The following PHF7 variants were observed in gnomAD, a reference collection of about 807,000 sequenced individuals.
The protein encoded by PHF7 is PHD finger protein 7, also known as E3 ubiquitin-protein ligase PHF7.
In PHF7, 24 loss-of-function variants were observed where a neutral mutation model predicts 47.5. That is an observed-to-expected ratio of 0.51 (90% confidence interval 0.37 to 0.71). The LOEUF (loss-of-function observed/expected upper bound fraction) is 0.71. PHF7 is among the 30% of genes least tolerant of loss of function. The probability of loss-of-function intolerance (pLI) is 0.00; values close to 1 mark genes in which losing one functional copy is unlikely to be tolerated. For synonymous variants in PHF7, 156 were observed against 153.8 expected (o/e 1.01, Z -0.11); for missense variants, 361 against 456.8 (o/e 0.79, Z 1.91).
At position 52,413,991 on chromosome 3, in the gene PHF7, T is replaced by C; in HGVS notation, c.42-5T>C. On this transcript the variant is annotated splice_polypyrimidine_tract_variant and splice_region_variant and intron_variant, in intron 2 of 10. Transcript: ENST00000327906. ...CACCTTGTGCTTCTTATTTCTCTTG[T>C]ATAGAAAATCTGCCAAGACTAGGAG... is the stretch of plus-strand genomic sequence containing the variant. The C allele has an allele frequency of 6.3e-7, 1 of 1,595,790 alleles. No homozygotes were observed. Among genetic ancestry groups the C allele is most frequent in the Non-Finnish European group, 8.6e-7 (1 of 1,163,356 alleles).
chr3:52,422,705 C>T, intron 9 of PHF7, 55 bp from the exon 10 acceptor site: 1 of 1,602,732 alleles, frequency 6.2e-7, no homozygotes. Context: ...AACATCCAAG[C>T]ATGGCAGTTG....
intron 10 of PHF7, 48 bp downstream of exon 10, chr3:52,422,929 G>A (rs1179855441): frequency 6.2e-7 from 1 of 1,611,440 alleles, no homozygotes; most frequent in African/African-American, 1.3e-5. Context: ...GGGGGCTGTA[G>A]GGACTTGTGG....
At chr3:52,413,245 G>T (rs1705514792) in intron 2 of PHF7, among the ~76,000 whole-genome samples, 1 of 152,168 alleles carries the variant, frequency 6.6e-6, no homozygotes, top group Admixed American at 6.5e-5. Flanking sequence ...AGAGTGTTCT[G>T]TAGATTCATT....
rs750559380 is a variant in PHF7, at chr3:52,420,348, A to T, written c.326A>T (p.Asn109Ile). Residue 109 changes from asparagine to isoleucine, a missense_variant, in exon 6 of 11, where the codon AAC (asparagine) becomes ATC (isoleucine). By Grantham distance (149) the Asn-to-Ile change is moderately radical (BLOSUM62 -3). Transcript: ENST00000327906. ...TGCAAGAAAAAGGGAGCTGCTATCA[A>T]CTGCCAGAAGGATCAGTGCCTCAGA... The part of the protein sequence containing the change: ...FVCKKKGAAI[N>I]CQKDQCLRNF... The T allele has an allele frequency of 6.2e-7, 1 of 1,613,802 alleles. No individual in the cohort carries two copies. Among genetic ancestry groups the T allele is most frequent in the Non-Finnish European group, 8.5e-7 (1 of 1,179,774 alleles).
At position 52,422,835 on chromosome 3, in the gene PHF7, C is replaced by G; in HGVS notation, c.873C>G (p.Asn291Lys). ...THRDCSSLRS[N>K]SKKWECEECS... ...GGGACTGCTCCTCTCTTAGATCTAACAGTAAGAAATGGGAGTGTGAGGAGT... is the reference window on the plus strand; with the variant it reads ...GGGACTGCTCCTCTCTTAGATCTAAGAGTAAGAAATGGGAGTGTGAGGAGT... The change falls in exon 10 of 11, where the codon AAC becomes AAG. Residue 291 changes from asparagine to lysine, a missense_variant. Physicochemically the swap from Asn to Lys is moderately conservative, Grantham distance 94 (BLOSUM62 0). Transcript: ENST00000327906. 2 of 1,614,040 alleles carry G rather than the reference C, an allele frequency of 1.2e-6. No individual in the cohort carries two copies. Among genetic ancestry groups the G allele is most frequent in the Non-Finnish European group, 1.7e-6 (2 of 1,179,970 alleles).
chr3:52,420,134 G>A lies in PHF7; in HGVS notation c.289-177G>A, dbSNP rs2153229157. ...GAGGGAGAAACATCTTGAGAAAATA[G>A]GAAAGAACTCAGTGCTGCTTGAAGC... On this transcript the variant is annotated intron_variant, in intron 5 of 10. Transcript: ENST00000327906. The A allele has an allele frequency of 1.5e-5, 12 of 818,018 alleles. 1 individual carries two copies. In the South Asian group the frequency reaches 1.7e-4, roughly 11 times the overall value. The allele number at this position is 818,018 out of a possible 1,614,324, so 50.7% of individuals were successfully genotyped here. A position where few individuals can be genotyped will look rare whatever the true frequency, so the allele number is the denominator to read the frequency against.
At chr3:52,421,211 A>T in intron 7 of PHF7, 149 bp downstream of exon 7, 1 of 667,368 alleles carries the variant, frequency 1.5e-6, no homozygotes, top group Non-Finnish European at 2.5e-6. Context: ...CAGTTAGAGG[A>T]AAGTCAGTCC....
At chr3:52,411,624 C>A (rs1317717871) in intron 1 of PHF7, among the ~76,000 whole-genome samples, 1 of 152,220 alleles carries the variant, frequency 6.6e-6, no homozygotes, top group African/African-American at 2.4e-5. Flanking sequence ...TTCACCCAGC[C>A]CTCCTTCTAA....
intron 4 of PHF7, among the ~76,000 whole-genome samples, chr3:52,417,300 T>C (rs1225010825): frequency 6.6e-6 from 1 of 152,204 alleles, no homozygotes; most frequent in Non-Finnish European, 1.5e-5. Context: ...AAAGTTTATA[T>C]TAAGCTTGTC....
chr3:52,422,872 G>T lies in PHF7; in HGVS notation c.910G>T (p.Ala304Ser), dbSNP rs1158247650. The T allele has an allele frequency of 1.2e-6, 2 of 1,614,176 alleles. No individual in the cohort carries two copies. The highest frequency in any genetic ancestry group is 3.3e-5 in the Admixed American group (2 of 60,030). Residue 304 changes from alanine (A) to serine (S), a missense_variant, in exon 10 of 11, where the codon GCA (alanine) becomes TCA (serine). By Grantham distance (99) the Ala-to-Ser change is moderately conservative. Coordinates refer to ENST00000327906, the MANE Select transcript of PHF7 (RefSeq NM_016483.7). ...KWECEECSPA[A>S]ATDYIPENSG... The stretch of plus-strand genomic sequence containing the variant: ...GGAGTGTGAGGAGTGTTCACCTGCT[G>T]CAGCCACAGGTGAGGCTGGAGGGAT...
At chr3:52,412,002 G>A (rs1688230349) in intron 1 of PHF7, among the ~76,000 whole-genome samples, 1 of 152,146 alleles carries the variant, frequency 6.6e-6, no homozygotes, top group African/African-American at 2.4e-5. Flanking sequence ...GATCACTGGA[G>A]CCCAGGAGTT....
chr3:52,414,183 G>A, intron 3 of PHF7, 135 bp downstream of exon 3: 1 of 649,854 alleles, frequency 1.5e-6, no homozygotes, highest in South Asian at 1.9e-5. Context: ...AAGATCTTGA[G>A]GACTCAGGAA....
At chr3:52,417,499 G>A (rs1295943536) in intron 4 of PHF7, among the ~76,000 whole-genome samples, 9 of 152,082 alleles carry the variant, frequency 5.9e-5, no homozygotes, top group Non-Finnish European at 8.8e-5. Flanking sequence ...ACAAAGTCTT[G>A]TACATCTTTT....
At chr3:52,422,528 G>T in intron 9 of PHF7, 190 bp downstream of exon 9, 2 of 646,950 alleles carry the variant, frequency 3.1e-6, no homozygotes, top group Non-Finnish European at 5.5e-6. Context: ...TGCAAGGTCC[G>T]CTTCACCTTG....
Position 52,423,254 on chromosome 3 carries a change from G to A in PHF7, c.1083G>A (p.Arg361=). ...AAAAGCCAGAGTCCTCTCGTGGCAG[G>A]AGGAGCTACTCCTGGAGGTCCAAGG... ...LLEKPESSRG[R]RSYSWRSKGV... is the part of the protein sequence containing the mutation. Residue 361 remains arginine (R), a synonymous_variant, in exon 11 of 11, where the codon AGG becomes AGA. Coordinates refer to ENST00000327906, the MANE Select transcript of PHF7 (RefSeq NM_016483.7). 1 of 1,614,184 alleles carries A rather than the reference G, an allele frequency of 6.2e-7. No homozygotes were observed. The highest frequency in any genetic ancestry group is 8.5e-7 in the Non-Finnish European group (1 of 1,180,032).
At chr3:52,422,580 C>G (rs1402933783) in intron 9 of PHF7, 180 bp from the exon 10 acceptor site, 1 of 697,772 alleles carries the variant, frequency 1.4e-6, no homozygotes, top group Non-Finnish European at 2.5e-6. Context: ...CTTTCCTAAT[C>G]TACCTTTCAA....
intron 1 of PHF7, among the ~76,000 whole-genome samples, chr3:52,411,704 C>G (rs1705443573): frequency 1.3e-5 from 2 of 152,224 alleles, no homozygotes; most frequent in South Asian, 4.1e-4. Flanking sequence ...TTCTTTCGTT[C>G]CCGTTCACTT....
chr3:52,417,294 T>C (rs1287279228), intron 4 of PHF7, among the ~76,000 whole-genome samples: 1 of 152,186 alleles, frequency 6.6e-6, no homozygotes, highest in Non-Finnish European at 1.5e-5. Context: ...CTTTATAAAG[T>C]TTATATTAAG....
chr3:52,422,113 T>C (rs1578247579), intron 8 of PHF7, 109 bp from the exon 9 acceptor site: 3 of 789,828 alleles, frequency 3.8e-6, no homozygotes, highest in Non-Finnish European at 6.8e-6. Context: ...TCAGGCAGCC[T>C]ACTGAACTCT....
Sources: gnomAD v4.1 joint callset for allele counts (sites outside exome capture counted in the v4.1 genomes callset) on GRCh38, gnomAD v4.1.1 for gene constraint, MANE v1.5 for transcripts, NCBI Gene and HGNC (gene_info 2026-07-23, HGNC 2026-07-21) for gene names.